IL20: variants seen among roughly 807,000 people sequenced by gnomAD.
IL20 encodes interleukin 20.
Under a neutral mutation model 19.2 loss-of-function variants are expected in IL20, and 22 were observed. The ratio of observed to expected loss-of-function variants is 1.15; its 90% CI spans 0.82 to 1.64. The LOEUF (loss-of-function observed/expected upper bound fraction) is 1.64, where lower values mean the gene tolerates loss of function less well. Among genes scored for constraint, IL20 ranks in the 40% most tolerant of loss-of-function variants. IL20 has a pLI of 0.00. For synonymous variants in IL20, 70 were observed against 76.2 expected (o/e 0.92, Z 0.43); for missense variants, 215 against 212.8 (o/e 1.01, Z -0.06).
rs371804520 is a variant in IL20 at position 206,868,450 on chromosome 1, A to T, written c.454-37A>T. ...TAGGTCCTGGAGCAAATGCTGTCTC[A>T]TGAATTGCTAACCACATGGGTGTGT... On this transcript the variant is annotated intron_variant, in intron 5 of 5. Coordinates refer to ENST00000367098, the MANE Select transcript of IL20 (RefSeq NM_018724.4). 3.6e-5 allele frequency: 55 copies of T among 1,522,248 alleles called. No individual in the cohort carries two copies. The African/African-American group carries it at 6.8e-4, about 19-fold the overall frequency. 94.3% of individuals were successfully genotyped at this position (1,522,248 alleles called of 1,614,324 possible).
chr1:206,864,523 G>A (rs539046524), upstream of IL20, among the ~76,000 whole-genome samples: 5 of 151,914 alleles, frequency 3.3e-5, no homozygotes, highest in South Asian at 4.2e-4. Context: ...GGTTTATTAC[G>A]ACTCATGACT....
Position 206,866,411 on chromosome 1 carries a change from A to T in IL20, c.225+47A>T, listed in dbSNP as rs762677214. On this transcript the variant is annotated intron_variant, in intron 3 of 5. Coordinates refer to ENST00000367098, the MANE Select transcript of IL20 (RefSeq NM_018724.4). ...ACTCTGGGAGGAGGAGTGGAGTGGGAGCATCTCCATCACCCTGGTCTTGTC... is the reference window on the plus strand; with the variant it reads ...ACTCTGGGAGGAGGAGTGGAGTGGGTGCATCTCCATCACCCTGGTCTTGTC... 1.4e-5 allele frequency: 22 copies of T among 1,612,064 alleles called. No homozygotes were observed. In the South Asian group the frequency reaches 2.1e-4, roughly 15 times the overall value.
In IL20 at chr1:206,866,477, T is replaced by C; in HGVS notation, c.226-7T>C. On this transcript the variant is annotated splice_region_variant and splice_polypyrimidine_tract_variant and intron_variant, in intron 3 of 5. Transcript: ENST00000367098. ...CCCCTCACCAATATACCTGTGGTTT[T>C]TTGCAGCCTGCGAATCGATGCTGCC... 1 of 1,614,086 alleles carries C rather than the reference T, an allele frequency of 6.2e-7. No homozygotes were observed. The highest frequency in any genetic ancestry group is 8.5e-7 in the Non-Finnish European group (1 of 1,180,000).
rs776580150 is a variant in IL20 at position 206,867,365 on chromosome 1, T to G, written c.379-19T>G. ...TCAGAATCTGTAATATAATCTATTA[T>G]TCTTTGGGTCCTTTTCAGCATGCCC... On this transcript the variant is annotated intron_variant, in intron 4 of 5. Transcript: ENST00000367098. 1 of 1,609,330 alleles carries G rather than the reference T, an allele frequency of 6.2e-7. No homozygotes were observed. Among genetic ancestry groups the G allele is most frequent in the South Asian group, 1.1e-5 (1 of 90,924 alleles).
chr1:206,864,764 G>A (rs78638079), upstream of IL20, among the ~76,000 whole-genome samples: 16 of 152,160 alleles, frequency 1.1e-4, no homozygotes, highest in East Asian at 1.7e-3. Context: ...ATAAAATTTT[G>A]ATATTTTGTT....
chr1:206,867,122 C>T (rs765408989), intron 4 of IL20, among the ~76,000 whole-genome samples: 3 of 129,750 alleles, frequency 2.3e-5, no homozygotes, highest in South Asian at 2.5e-4. Context: ...AGATGGGGTA[C>T]GGGGATGGCA....
chr1:206,867,123 G>A (rs890386678), intron 4 of IL20, among the ~76,000 whole-genome samples: 6 of 151,574 alleles, frequency 4.0e-5, no homozygotes, highest in Admixed American at 2.6e-4. Context: ...GATGGGGTAC[G>A]GGGATGGCAA....
In IL20 at chr1:206,866,006, A is replaced by G. The variant is rs747009724; in HGVS notation, c.154A>G (p.Ser52Gly). ...IRNGFSEIRG[S>G]VQAKDGNIDI... is the part of the protein sequence containing the mutation. ...AAATGGATTTTCTGAGATACGGGGC[A>G]GTGTGGTACGTAAGCGGGTATCTAC... Residue 52 changes from serine to glycine, a missense_variant, in exon 2 of 6, where the codon AGT (serine) becomes GGT (glycine). By Grantham distance (56) the Ser-to-Gly change is moderately conservative. Transcript: ENST00000367098. 1.9e-6 allele frequency: 3 copies of G among 1,613,984 alleles called. No individual in the cohort carries two copies. Among genetic ancestry groups the G allele is most frequent in the East Asian group, 2.2e-5 (1 of 44,896 alleles).
upstream of IL20, among the ~76,000 whole-genome samples, chr1:206,864,739 G>A (rs909183315): frequency 2.0e-5 from 3 of 151,990 alleles, no homozygotes; most frequent in African/African-American, 4.8e-5. Flanking sequence ...TGGCACTGTC[G>A]AATTTTGTCT....
chr1:206,865,167 C>A (rs1301692069), upstream of IL20, among the ~76,000 whole-genome samples: 5 of 152,242 alleles, frequency 3.3e-5, no homozygotes, highest in Admixed American at 3.3e-4. The surrounding 1 kb of genome is among the most constrained non-coding windows in gnomAD (Gnocchi z 4.1). Flanking sequence ...GATTGCCCAT[C>A]ACGTCTTGCC....
rs371513713 is a variant in IL20 at position 206,868,546 on chromosome 1, G to C, written c.513G>C (p.Trp171Cys). 3 of 1,605,930 alleles carry C rather than the reference G, an allele frequency of 1.9e-6. No individual in the cohort carries two copies. Among genetic ancestry groups the C allele is most frequent in the Non-Finnish European group, 2.6e-6 (3 of 1,176,352 alleles). Residue 171 changes from tryptophan to cysteine, a missense_variant, in exon 6 of 6, where the codon TGG becomes TGC. Coordinates refer to ENST00000367098, the MANE Select transcript of IL20 (RefSeq NM_018724.4). ...GGGAACTAGACATTCTTCTGCAATG[G>C]ATGGAGGAGACAGAATAGGAGGAAA... is the stretch of plus-strand genomic sequence containing the variant. The part of the protein sequence containing the change: ...ALGELDILLQ[W>C]MEETE
chr1:206,864,797 T>G (rs1490646689), upstream of IL20, among the ~76,000 whole-genome samples: 1 of 152,218 alleles, frequency 6.6e-6, no homozygotes, highest in Admixed American at 6.5e-5. Context: ...TTTAATTCAT[T>G]TTGATATTGC....
chr1:206,867,832 C>A (rs1677603347), intron 5 of IL20, among the ~76,000 whole-genome samples: 1 of 151,960 alleles, frequency 6.6e-6, no homozygotes, highest in Non-Finnish European at 1.5e-5. Context: ...CACCTTCACA[C>A]CTTCTCATGT....
intron 2 of IL20, 21 bp downstream of exon 2, chr1:206,866,032 C>A: frequency 1.2e-6 from 2 of 1,604,912 alleles, no homozygotes; most frequent in Non-Finnish European, 1.7e-6. Context: ...GGGTATCTAC[C>A]TCTCCTGAAA....
upstream of IL20, among the ~76,000 whole-genome samples, chr1:206,863,988 A>T (rs1677482390): frequency 6.6e-6 from 1 of 152,224 alleles, no homozygotes; most frequent in South Asian, 2.1e-4. Context: ...GGTTAAGAAA[A>T]TTAAACTCAG....
chr1:206,865,393 C>A, upstream of IL20: 1 of 538,674 alleles, frequency 1.9e-6, no homozygotes, highest in Non-Finnish European at 2.4e-6. The surrounding 1 kb of genome is among the most constrained non-coding windows in gnomAD (Gnocchi z 4.1). Flanking sequence ...CGATTTCTCC[C>A]CAGTTCCCCT....
chr1:206,866,384 A>G lies in IL20; in HGVS notation c.225+20A>G, dbSNP rs777112163. On this transcript the variant is annotated intron_variant, in intron 3 of 5. Transcript: ENST00000367098. Reference sequence around the variant, plus strand: ...ACAAAGGTATGTGCTTGGCCCAGACAAACTCTGGGAGGAGGAGTGGAGTGG... The same window carrying G: ...ACAAAGGTATGTGCTTGGCCCAGACGAACTCTGGGAGGAGGAGTGGAGTGG... 2.7e-5 allele frequency: 43 copies of G among 1,613,098 alleles called. No individual in the cohort carries two copies. The highest frequency in any genetic ancestry group is 1.0e-4 in the Admixed American group (6 of 60,014).
intron 4 of IL20, 36 bp from the exon 5 acceptor site, chr1:206,867,348 T>G: frequency 6.3e-7 from 1 of 1,585,490 alleles, no homozygotes; most frequent in Non-Finnish European, 8.7e-7. Context: ...AATCAGAATC[T>G]GTAATATAAT....
Position 206,866,308 on chromosome 1 carries a change from G to A in IL20, c.169G>A (p.Asp57Asn). 1 of 1,614,122 alleles carries A rather than the reference G, an allele frequency of 6.2e-7. No homozygotes were observed. Among genetic ancestry groups the A allele is most frequent in the Non-Finnish European group, 8.5e-7 (1 of 1,179,982 alleles). Reference protein sequence around the residue: ...SEIRGSVQAKDGNIDIRILRR... With the variant: ...SEIRGSVQAKNGNIDIRILRR... ...GTCTTCTTCTGTTTAGCAAGCCAAA[G>A]ATGGAAACATTGACATCAGAATCTT... is the stretch of plus-strand genomic sequence containing the variant. The change falls in exon 3 of 6, where the codon GAT becomes AAT. Residue 57 changes from aspartate (D) to asparagine (N), a missense_variant. Asp to Asn is a conservative substitution (Grantham distance 23). Coordinates refer to ENST00000367098, the MANE Select transcript of IL20 (RefSeq NM_018724.4).
Sources: gnomAD v4.1 joint callset for allele counts (sites outside exome capture counted in the v4.1 genomes callset) on GRCh38, gnomAD v4.1.1 for gene constraint, Gnocchi (gnomAD v3.1) non-coding constraint, MANE v1.5 for transcripts, NCBI Gene and HGNC (gene_info 2026-07-23, HGNC 2026-07-21) for gene names.